Variants in MACROD2 observed in about 807,000 individuals in gnomAD.
MACROD2 encodes ADP-ribose glycohydrolase MACROD2.
Under a neutral mutation model 70.4 loss-of-function variants are expected in MACROD2, and 36 were observed. The observed-to-expected ratio is 0.51, with a 90% CI of 0.39 to 0.68. The LOEUF (loss-of-function observed/expected upper bound fraction) is 0.68. MACROD2 is among the 30% of genes least tolerant of loss of function. The pLI is 0.00. For missense variants in MACROD2, 496 were observed against 538.4 expected, an observed-to-expected ratio of 0.92 and a Z score of 0.78; for synonymous variants, 172 against 178.8, an observed-to-expected ratio of 0.96 and a Z score of 0.30.
chr20:14,002,744 T>G (rs1182117761), intron 2 of MACROD2, among the ~76,000 whole-genome samples: 2 of 152,120 alleles, frequency 1.3e-5, no homozygotes, highest in Non-Finnish European at 2.9e-5. Context: ...TTAAGTTCAT[T>G]TATAATCGAT....
At chr20:15,258,554 T>G (rs1387141088) in intron 6 of MACROD2, among the ~76,000 whole-genome samples, 2 of 152,092 alleles carry the variant, frequency 1.3e-5, no homozygotes, top group African/African-American at 4.8e-5. Context: ...AGCAATAGAC[T>G]TTACCATACA....
intron 6 of MACROD2, among the ~76,000 whole-genome samples, chr20:15,249,274 C>T (rs1026822785): frequency 2.6e-5 from 4 of 152,200 alleles, no homozygotes; most frequent in Non-Finnish European, 5.9e-5. Flanking sequence ...AGACCAGGAG[C>T]AGGGTGACAG....
intron 8 of MACROD2, among the ~76,000 whole-genome samples, chr20:15,788,143 C>T (rs2051962434): frequency 6.6e-6 from 1 of 152,088 alleles, no homozygotes; most frequent in Non-Finnish European, 1.5e-5. Context: ...GTGGTAAAGT[C>T]ACTGGAATCA....
chr20:15,278,897 A>T (rs1408017485), intron 6 of MACROD2, among the ~76,000 whole-genome samples: 3 of 152,158 alleles, frequency 2.0e-5, no homozygotes, highest in Non-Finnish European at 2.9e-5. Flanking sequence ...CTTGTTTTGC[A>T]TGTGTCACAG....
chr20:14,146,378 G>A (rs1421082453), intron 3 of MACROD2, among the ~76,000 whole-genome samples: 1 of 152,134 alleles, frequency 6.6e-6, no homozygotes, highest in Non-Finnish European at 1.5e-5. Context: ...CTGCGATTTA[G>A]TGGTTGGCCT....
At chr20:15,818,127 A>T (rs1208495055) in intron 8 of MACROD2, among the ~76,000 whole-genome samples, 1 of 152,126 alleles carries the variant, frequency 6.6e-6, no homozygotes, top group African/African-American at 2.4e-5. Context: ...GTCCCAACCT[A>T]GACCCCAAGA....
At chr20:15,061,318 T>C (rs2075530784) in intron 5 of MACROD2, among the ~76,000 whole-genome samples, 1 of 152,170 alleles carries the variant, frequency 6.6e-6, no homozygotes, top group Non-Finnish European at 1.5e-5. Flanking sequence ...TTCACCCACA[T>C]GAGCAAAACA....
chr20:14,725,253 C>A (rs1388325287), intron 5 of MACROD2, among the ~76,000 whole-genome samples: 1 of 152,074 alleles, frequency 6.6e-6, no homozygotes, highest in Non-Finnish European at 1.5e-5. Flanking sequence ...TTAAGTAGCA[C>A]TTGAAAATGT....
intron 4 of MACROD2, among the ~76,000 whole-genome samples, chr20:14,572,897 TTAA>T (rs1333675399): frequency 1.3e-5 from 2 of 150,436 alleles, no homozygotes; most frequent in African/African-American, 4.9e-5. Context: ...TAAAGATATT[TTAA>T]TAATATAAAA....
At chr20:15,705,554 G>A (rs1242355778) in intron 8 of MACROD2, among the ~76,000 whole-genome samples, 1 of 151,968 alleles carries the variant, frequency 6.6e-6, no homozygotes, top group Non-Finnish European at 1.5e-5. Flanking sequence ...CCAGTAGCTG[G>A]GATTATAGTC....
chr20:15,820,741 T>A (rs2147101979), intron 8 of MACROD2, among the ~76,000 whole-genome samples: 1 of 152,352 alleles, frequency 6.6e-6, no homozygotes, highest in South Asian at 2.1e-4. Context: ...TGTTTTAAGT[T>A]TTTTATAGTT....
chr20:15,906,983 C>T (rs1397317838), intron 10 of MACROD2, among the ~76,000 whole-genome samples: 1 of 152,196 alleles, frequency 6.6e-6, no homozygotes, highest in East Asian at 1.9e-4. Context: ...TTGATGAGTA[C>T]CCCTTGTGGG....
chr20:14,239,026 C>CA (rs55763322), intron 3 of MACROD2, among the ~76,000 whole-genome samples: 13 of 82,390 alleles, frequency 1.6e-4, no homozygotes, highest in African/African-American at 5.7e-4. Flanking sequence ...GACTCCGTCT[C>CA]AAAAAAAAAA....
intron 6 of MACROD2, among the ~76,000 whole-genome samples, chr20:15,372,094 T>C (rs910985528): frequency 6.6e-6 from 1 of 152,260 alleles, no homozygotes; most frequent in African/African-American, 2.4e-5. Flanking sequence ...TTCTATATTA[T>C]GAATATGTCA....
intron 10 of MACROD2, among the ~76,000 whole-genome samples, chr20:15,918,656 A>T (rs2065355807): frequency 6.6e-6 from 1 of 152,236 alleles, no homozygotes; most frequent in South Asian, 2.1e-4. Flanking sequence ...GAGAACTAGA[A>T]TAATTTATTC....
intron 6 of MACROD2, among the ~76,000 whole-genome samples, chr20:15,326,740 C>T (rs1336434698): frequency 1.3e-5 from 2 of 152,094 alleles, no homozygotes; most frequent in Admixed American, 6.6e-5. Flanking sequence ...CCCGTGTCCC[C>T]ATCTCCAAGA....
In MACROD2 at chr20:14,881,953, T is replaced by C. The variant is rs138336656; in HGVS notation, c.418+196994T>C. On this transcript the variant is annotated intron_variant, in intron 5 of 17. Coordinates refer to ENST00000684519, the MANE Select transcript of MACROD2 (RefSeq NM_001351661.2). ...TATATGGGCCAACATTTGCATATGT[T>C]CACGCATGTTATCTTCACAGCAATT... Among the ~76,000 whole-genome samples the C allele has an allele frequency of 9.7e-4, 148 of 152,338 alleles. 2 individuals carry two copies. The highest frequency in any genetic ancestry group is 3.2e-3 in the African/African-American group (134 of 41,572).
chr20:15,849,276 A>T lies in MACROD2; in HGVS notation c.646-13469A>T, dbSNP rs79390455. On this transcript the variant is annotated intron_variant, in intron 8 of 17. Transcript: ENST00000684519. ...TGAGGTTTGCCTTTTGAACGAAAAGATTCTTTCTTGCAGGAGTGGGAGGGA... is the reference window on the plus strand; with the variant it reads ...TGAGGTTTGCCTTTTGAACGAAAAGTTTCTTTCTTGCAGGAGTGGGAGGGA... 7.7e-3 allele frequency among the ~76,000 whole-genome samples: 1,170 copies of T among 152,334 alleles called. 14 individuals are homozygous for T. The highest frequency in any genetic ancestry group is 0.026 in the African/African-American group (1,096 of 41,578).
At chr20:14,197,565 C>T (rs6131558) in intron 3 of MACROD2, among the ~76,000 whole-genome samples, 7 of 151,966 alleles carry the variant, frequency 4.6e-5, no homozygotes, top group East Asian at 1.9e-4. Flanking sequence ...GTTGGGAGTT[C>T]GAGACCAGCC....
Sources: gnomAD v4.1 joint callset for allele counts (sites outside exome capture counted in the v4.1 genomes callset) on GRCh38, gnomAD v4.1.1 for gene constraint, MANE v1.5 for transcripts, NCBI Gene and HGNC (gene_info 2026-07-23, HGNC 2026-07-21) for gene names.